IFT57: variants seen among roughly 807,000 people sequenced by gnomAD.
IFT57 encodes the protein intraflagellar transport 57, also known as intraflagellar transport protein 57 homolog.
IFT57 carries 59 observed loss-of-function variants against 56.8 expected under a neutral mutation model. The ratio of observed to expected loss-of-function variants is 1.04; its 90% confidence interval spans 0.84 to 1.29. The LOEUF (loss-of-function observed/expected upper bound fraction) is 1.29. Among genes scored for constraint, IFT57 ranks in the 50% most tolerant of loss-of-function variants. The pLI, the probability that IFT57 is intolerant of heterozygous loss-of-function variation, is 0.00. For synonymous variants in IFT57, 209 were observed against 186.1 expected, an observed-to-expected ratio of 1.12 and a Z score of -1.00; for missense variants, 470 against 522.1, an observed-to-expected ratio of 0.90 and a Z score of 0.97.
intron 5 of IFT57, among the ~76,000 whole-genome samples, chr3:108,192,854 C>G (rs1202832263): frequency 1.3e-5 from 2 of 150,342 alleles, no homozygotes; most frequent in Non-Finnish European, 3.0e-5. Flanking sequence ...TTTAAAAGGG[C>G]CTTATAAGTT....
At chr3:108,193,136 A>G (rs2080225298) in intron 5 of IFT57, among the ~76,000 whole-genome samples, 1 of 152,226 alleles carries the variant, frequency 6.6e-6, no homozygotes, top group Non-Finnish European at 1.5e-5. Flanking sequence ...TATTTATGTC[A>G]CTAAAATCAC....
chr3:108,184,747 G>A (rs1405591840), intron 6 of IFT57, among the ~76,000 whole-genome samples: 1 of 152,136 alleles, frequency 6.6e-6, no homozygotes, highest in Non-Finnish European at 1.5e-5. Flanking sequence ...CTTAAAATGT[G>A]TGAGGTTAAT....
intron 3 of IFT57, among the ~76,000 whole-genome samples, chr3:108,217,143 A>G (rs1240722726): frequency 6.6e-6 from 1 of 152,188 alleles, no homozygotes; most frequent in Non-Finnish European, 1.5e-5. Flanking sequence ...AATGATGAAT[A>G]TGTTAATTTC....
intron 6 of IFT57, among the ~76,000 whole-genome samples, chr3:108,178,473 A>G (rs963974658): frequency 2.6e-5 from 4 of 151,988 alleles, no homozygotes; most frequent in African/African-American, 9.7e-5. Flanking sequence ...TCATAATACA[A>G]AAAGGAAAAG....
At chr3:108,167,260 T>A in intron 7 of IFT57, 1 of 305,064 alleles carries the variant, frequency 3.3e-6, no homozygotes, top group South Asian at 4.7e-5. Flanking sequence ...ATTAGCATTA[T>A]ATAACATTCA....
intron 6 of IFT57, among the ~76,000 whole-genome samples, chr3:108,188,803 G>A (rs1313542553): frequency 6.6e-6 from 1 of 152,176 alleles, no homozygotes; most frequent in Non-Finnish European, 1.5e-5. Context: ...TTGTAAAAGA[G>A]TGTGTGTTAG....
At chr3:108,205,813 T>C (rs1412946736) in intron 5 of IFT57, among the ~76,000 whole-genome samples, 3 of 118,498 alleles carry the variant, frequency 2.5e-5, no homozygotes, top group Non-Finnish European at 5.2e-5. Context: ...TATTATAGCA[T>C]ATTATATATT....
intron 4 of IFT57, among the ~76,000 whole-genome samples, chr3:108,212,967 C>T (rs1478807614): frequency 6.6e-6 from 1 of 152,148 alleles, no homozygotes; most frequent in African/African-American, 2.4e-5. Context: ...CTTCCTCTTG[C>T]TCTTCTTCCT....
chr3:108,173,997 AGTGTGTGTGTGTGTGT>A (rs34537693), intron 6 of IFT57, among the ~76,000 whole-genome samples: 24 of 100,758 alleles, frequency 2.4e-4, no homozygotes, highest in South Asian at 1.6e-3. Context: ...CATATATTTG[AGTGTGTGTGTGTGTGT>A]GTGTGTGTGT....
intron 3 of IFT57, 95 bp downstream of exon 3, chr3:108,218,440 G>A: frequency 3.8e-6 from 2 of 526,378 alleles, no homozygotes; most frequent in Middle Eastern, 3.0e-4. Flanking sequence ...TAGTCAAAAA[G>A]AATAATTCTT....
intron 2 of IFT57, among the ~76,000 whole-genome samples, chr3:108,219,188 T>A (rs1017786360): frequency 3.9e-5 from 6 of 151,996 alleles, no homozygotes; most frequent in Non-Finnish European, 8.8e-5. Context: ...TATATCAAGA[T>A]TTTTTTAAAA....
chr3:108,163,774 T>C, intron 9 of IFT57, 45 bp from the exon 10 acceptor site: 1 of 1,217,552 alleles, frequency 8.2e-7, no homozygotes, highest in East Asian at 2.3e-5. Context: ...TTTAATAAAC[T>C]TTCACAATTT....
chr3:108,162,570 G>A lies in IFT57; in HGVS notation c.1197C>T (p.His399=), dbSNP rs1435923554. 8 of 1,613,012 alleles carry A rather than the reference G, an allele frequency of 5.0e-6. No homozygotes were observed. The African/African-American group carries it at 8.0e-5, about 16-fold the overall frequency. The change falls in exon 11 of 11, where the codon CAC becomes CAT. Residue 399 remains histidine, a synonymous_variant. Coordinates refer to ENST00000264538, the MANE Select transcript of IFT57 (RefSeq NM_018010.4). ...CCTTCAGCTTTGATTGGAGTAGTGTGTGTTCCACAATGCCAATTCTAATGT... is the reference window on the plus strand; with the variant it reads ...CCTTCAGCTTTGATTGGAGTAGTGTATGTTCCACAATGCCAATTCTAATGT... ...EMDIRIGIVE[H]TLLQSKLKEK...
At chr3:108,214,268 TA>T (rs2080358787) in intron 3 of IFT57, among the ~76,000 whole-genome samples, 1 of 152,186 alleles carries the variant, frequency 6.6e-6, no homozygotes, top group East Asian at 1.9e-4. Flanking sequence ...TGCTTCTCAC[TA>T]ATACACCATA....
intron 7 of IFT57, 169 bp from the exon 8 acceptor site, chr3:108,167,154 T>A: frequency 1.7e-6 from 1 of 577,796 alleles, no homozygotes; most frequent in Non-Finnish European, 3.0e-6. Context: ...AGAAATATTT[T>A]AACCACACTT....
In IFT57 at chr3:108,205,824, A is replaced by C. The variant is rs1007900760; in HGVS notation, c.654+804T>G. Among the ~76,000 whole-genome samples, 16 of 99,254 alleles carry C rather than the reference A, an allele frequency of 1.6e-4. No homozygotes were observed. The East Asian group carries it at 4.0e-3, about 25-fold the overall frequency. 65.1% of individuals were successfully genotyped at this position (99,254 alleles called of 152,430 possible). ...AAAATATTATAGCATATTATATATT[A>C]TTTATATATTATTTAATTAATTTAA... On this transcript the variant is annotated intron_variant, in intron 5 of 10. Transcript: ENST00000264538.
At chr3:108,206,542 C>A in intron 5 of IFT57, 86 bp downstream of exon 5, 2 of 539,912 alleles carry the variant, frequency 3.7e-6, no homozygotes, top group Non-Finnish European at 3.2e-6. Flanking sequence ...AAACAATGGC[C>A]AACAACGGTT....
chr3:108,219,664 A>T, intron 1 of IFT57, 92 bp from the exon 2 acceptor site: 1 of 1,326,574 alleles, frequency 7.5e-7, no homozygotes, highest in Non-Finnish European at 1.1e-6. Flanking sequence ...ATTGTCCAAC[A>T]ATCTTTCTTC....
In IFT57 at chr3:108,222,218, G is replaced by A. The variant is rs2080410425; in HGVS notation, c.105C>T (p.Gly35=). Residue 35 remains glycine, a synonymous_variant, in exon 1 of 11, where the codon GGC becomes GGT. Transcript: ENST00000264538. ...TCACCACGAACATGTGGTAGGCCGCGCCGGGCCCCCGCTCCAAGACCACTT... is the reference window on the plus strand; with the variant it reads ...TCACCACGAACATGTGGTAGGCCGCACCGGGCCCCCGCTCCAAGACCACTT... The part of the protein sequence containing the change: ...TGEVVLERGP[G]AAYHMFVVME... The A allele has an allele frequency of 6.2e-7, 1 of 1,614,058 alleles. No homozygotes were observed. The highest frequency in any genetic ancestry group is 8.5e-7 in the Non-Finnish European group (1 of 1,180,006).
Sources: gnomAD v4.1 joint callset for allele counts (sites outside exome capture counted in the v4.1 genomes callset) on GRCh38, gnomAD v4.1.1 for gene constraint, MANE v1.5 for transcripts, NCBI Gene and HGNC (gene_info 2026-07-23, HGNC 2026-07-21) for gene names.